Variants in DMD observed in about 807,000 individuals in gnomAD.
DMD encodes the protein mutant dystrophin.
A neutral mutation model predicts 330.1 loss-of-function variants in DMD; 63 were observed. The ratio of observed to expected loss-of-function variants is 0.19; its 90% CI spans 0.16 to 0.24. DMD has a LOEUF of 0.24. Among genes scored for constraint, DMD ranks in the 10% least tolerant of loss-of-function variants. The probability of loss-of-function intolerance (pLI) is 1.00; values close to 1 mark genes in which losing one functional copy is unlikely to be tolerated. For missense variants in DMD, 3,344 were observed against 2,684.1 expected (o/e 1.25, Z -5.43); for synonymous variants, 1,223 against 959.8 (o/e 1.27, Z -5.07).
intron 7 of DMD, among the ~76,000 whole-genome samples, chrX:32,759,060 C>A (rs760198954): frequency 3.4e-4 from 38 of 112,220 alleles, no homozygotes; most frequent in Non-Finnish European, 7.5e-5. Flanking sequence ...TAAGTTTCAG[C>A]TCAACTTCTA....
chrX:32,827,068 C>A (rs1158148257), intron 4 of DMD, among the ~76,000 whole-genome samples: 23 of 85,523 alleles, frequency 2.7e-4, no homozygotes, highest in Admixed American at 1.2e-3. Flanking sequence ...CCCCCCCCCA[C>A]ACACACACAC....
intron 47 of DMD, among the ~76,000 whole-genome samples, chrX:31,898,247 T>G (rs1478490819): frequency 9.1e-6 from 1 of 110,327 alleles, no homozygotes; most frequent in Non-Finnish European, 1.9e-5. Flanking sequence ...ATGCCTTTCT[T>G]CACAGAATTG....
chrX:31,462,110 C>T (rs1427638235), intron 59 of DMD, among the ~76,000 whole-genome samples: 1 of 111,900 alleles, frequency 8.9e-6, no homozygotes, highest in African/African-American at 3.2e-5. Context: ...TGATACACAC[C>T]AGGATTCATC....
At chrX:32,568,825 A>G (rs764080370) in intron 15 of DMD, among the ~76,000 whole-genome samples, 156 of 112,014 alleles carry the variant, frequency 1.4e-3, no homozygotes, top group Non-Finnish European at 2.6e-3. Context: ...ACATTAGATC[A>G]TAGAATTCAT....
intron 9 of DMD, among the ~76,000 whole-genome samples, chrX:32,664,523 G>T (rs998790727): frequency 2.7e-5 from 3 of 110,663 alleles, no homozygotes; most frequent in Non-Finnish European, 5.6e-5. Context: ...TTACAGGCGT[G>T]AGCCACCGCA....
At chrX:31,208,169 C>T (rs748656928) in intron 65 of DMD, among the ~76,000 whole-genome samples, 7 of 111,434 alleles carry the variant, frequency 6.3e-5, no homozygotes, top group African/African-American at 1.3e-4. Flanking sequence ...CGGTTATTTT[C>T]GGTGAACAAT....
In DMD at chrX:31,854,148, CA is replaced by C. The variant is rs770707069; in HGVS notation, c.7099-17330del. 2.7e-5 allele frequency among the ~76,000 whole-genome samples: 3 copies of C among 112,261 alleles called. No homozygotes were observed. The South Asian group carries it at 1.1e-3, about 41-fold the overall frequency. On this transcript the variant is annotated intron_variant, in intron 48 of 78. Coordinates refer to ENST00000357033, the MANE Select transcript of DMD (RefSeq NM_004006.3). ...ATGTGGTCATAGTATTGTTCAGTTG[CA>C]CCTAATCAAAGAAGACTTACTGTTG...
At chrX:31,453,765 C>CAAAAAAAAAACAA in intron 59 of DMD, among the ~76,000 whole-genome samples, 1 of 8,983 alleles carries the variant, frequency 1.1e-4, no homozygotes, top group South Asian at 0.021. Context: ...AAAAAACAAG[C>CAAAAAAAAAACAA]AAAAAAAAAA....
chrX:32,826,622 C>T (rs1375149409), intron 4 of DMD, among the ~76,000 whole-genome samples: 1 of 111,292 alleles, frequency 9.0e-6, no homozygotes, highest in Non-Finnish European at 1.9e-5. Context: ...TACATCATGT[C>T]ACTTGTATAT....
intron 55 of DMD, among the ~76,000 whole-genome samples, chrX:31,572,496 A>G (rs756621980): frequency 1.8e-5 from 2 of 112,326 alleles, no homozygotes; most frequent in South Asian, 7.4e-4. Flanking sequence ...TCTGGACACA[A>G]AATAATTTTT....
At position 33,260,880 on chromosome X, in the gene DMD, A is replaced by G. The variant is rs1001140966; in HGVS notation, c.7+78379T>C. Among the ~76,000 whole-genome samples the G allele has an allele frequency of 2.7e-5, 3 of 111,540 alleles. No homozygotes were observed. In the Admixed American group the frequency reaches 2.9e-4, roughly 11 times the overall value. The stretch of plus-strand genomic sequence containing the variant: ...CTAAACAGTCATTGATTCAATTAAT[A>G]TTTGTGGACCTGTTTTCCAGCTATC... On this transcript the variant is annotated intron_variant, in intron 1 of 17. Transcript: ENST00000288447.
intron 1 of DMD, among the ~76,000 whole-genome samples, chrX:33,315,253 ATTAAC>A (rs1303343970): frequency 1.8e-5 from 2 of 112,615 alleles, no homozygotes; most frequent in Non-Finnish European, 3.7e-5. Flanking sequence ...ATGGTAAAAT[ATTAAC>A]TTAACGGGAC....
chrX:31,525,562 T>A (rs918992104), intron 55 of DMD, among the ~76,000 whole-genome samples: 1 of 112,116 alleles, frequency 8.9e-6, no homozygotes, highest in Non-Finnish European at 1.9e-5. Flanking sequence ...AATTTACTGA[T>A]GCTGACAAAT....
intron 62 of DMD, among the ~76,000 whole-genome samples, chrX:31,293,414 T>C (rs2053926630): frequency 9.0e-6 from 1 of 111,381 alleles, no homozygotes; most frequent in Non-Finnish European, 1.9e-5. Flanking sequence ...ACTTATTTTT[T>C]GAAAACGCCC....
rs751150070 is a variant in DMD, at chrX:32,019,441, C to T, written c.6439-50927G>A. Among the ~76,000 whole-genome samples, 7 of 112,210 alleles carry T rather than the reference C, an allele frequency of 6.2e-5. No individual in the cohort carries two copies. In the East Asian group the frequency reaches 2.0e-3, roughly 31 times the overall value. ...TTTGAATTTAAAACAAAGTACATTA[C>T]TTTTTAAGCCAGTAAGTTAAAATTC... is the stretch of plus-strand genomic sequence containing the variant. On this transcript the variant is annotated intron_variant, in intron 44 of 78. Coordinates refer to ENST00000357033, the MANE Select transcript of DMD (RefSeq NM_004006.3).
intron 44 of DMD, among the ~76,000 whole-genome samples, chrX:32,005,237 T>A (rs145034459): frequency 3.9e-3 from 441 of 111,784 alleles, no homozygotes; most frequent in Middle Eastern, 0.023. Flanking sequence ...ATGGGTCTCT[T>A]GCAACAGCAA....
chrX:33,239,853 C>T lies in DMD; in HGVS notation c.7+99406G>A, dbSNP rs533960359. On this transcript the variant is annotated intron_variant, in intron 1 of 17. Coordinates refer to the DMD transcript ENST00000288447. ...GCTCCAAAATCTGAAACTTTTTGAG[C>T]ACTGAAATGATGTCATACGTGGAAA... Among the ~76,000 whole-genome samples, 59 of 111,091 alleles carry T rather than the reference C, an allele frequency of 5.3e-4. No homozygotes were observed. The South Asian group carries it at 0.022, about 41-fold the overall frequency.
At chrX:32,755,196 T>C (rs2748313) in intron 7 of DMD, among the ~76,000 whole-genome samples, 2 of 109,406 alleles carry the variant, frequency 1.8e-5, no homozygotes, top group African/African-American at 6.7e-5. Context: ...AGCTCAATAA[T>C]GAAAGCTCAA....
At chrX:32,366,582 G>GA (rs958327630) in intron 34 of DMD, among the ~76,000 whole-genome samples, 3 of 111,637 alleles carry the variant, frequency 2.7e-5, no homozygotes, top group Non-Finnish European at 3.8e-5. Flanking sequence ...AATTTCTTAA[G>GA]AAAAAAATTA....
Sources: allele counts gnomAD v4.1 joint callset (sites outside exome capture counted in the v4.1 genomes callset), GRCh38; gene constraint gnomAD v4.1.1; transcripts MANE v1.5; gene names NCBI Gene and HGNC (gene_info 2026-07-23, HGNC 2026-07-21).